The following NFKBIE variants were observed in gnomAD, a reference collection of about 807,000 sequenced individuals.
The protein encoded by NFKBIE is NF-kappa-B inhibitor epsilon.
A neutral mutation model predicts 31.6 loss-of-function variants in NFKBIE; 11 were observed. The ratio of observed to expected loss-of-function variants is 0.35; its 90% confidence interval spans 0.22 to 0.58. The LOEUF is 0.58. Among genes scored for constraint, NFKBIE ranks in the 20% least tolerant of loss-of-function variants. The probability of loss-of-function intolerance (pLI) is 0.83; values close to 1 mark genes in which losing one functional copy is unlikely to be tolerated. For missense variants in NFKBIE, 354 were observed against 465.7 expected, an observed-to-expected ratio of 0.76 and a Z score of 2.21; for synonymous variants, 208 against 210.1, an observed-to-expected ratio of 0.99 and a Z score of 0.09.
At position 44,261,074 on chromosome 6, in the gene NFKBIE, C is replaced by T. The variant is rs567283870; in HGVS notation, c.692-535G>A. Among the ~76,000 whole-genome samples, 2 of 152,280 alleles carry T rather than the reference C, an allele frequency of 1.3e-5. No homozygotes were observed. Among genetic ancestry groups the T allele is most frequent in the African/African-American group, 2.4e-5 (1 of 41,560 alleles). On this transcript the variant is annotated intron_variant, in intron 3 of 5. Coordinates refer to ENST00000619360, the MANE Select transcript of NFKBIE (RefSeq NM_004556.3). This position sits in a 1 kb window ranked among gnomAD's most constrained non-coding sequence, Gnocchi z 4.3. The stretch of plus-strand genomic sequence containing the variant: ...AGAGATTTCGATTCAAATTTACATT[C>T]TTCACCTTCCTCAGGGCGCTATTCA...
At chr6:44,262,092 G>C (rs1213139545) in intron 2 of NFKBIE, among the ~76,000 whole-genome samples, 2 of 152,130 alleles carry the variant, frequency 1.3e-5, no homozygotes, top group East Asian at 3.8e-4. Flanking sequence ...TTTCTTGTAA[G>C]TCACCTTAGG....
rs192573537 is a variant in NFKBIE, at chr6:44,264,156, T to C, written c.365+826A>G. On this transcript the variant is annotated intron_variant, in intron 1 of 5. Coordinates refer to ENST00000619360, the MANE Select transcript of NFKBIE (RefSeq NM_004556.3). ...CAGGGATTCCAGCCCTCCCCAACTC[T>C]ATTTCTCATCCCCAGTTCCCAACCT... Among the ~76,000 whole-genome samples the C allele has an allele frequency of 3.3e-5, 5 of 152,304 alleles. No individual in the cohort carries two copies. The East Asian group carries it at 9.6e-4, about 29-fold the overall frequency.
Position 44,259,304 on chromosome 6 carries a change from G to A in NFKBIE, c.1021-20C>T. On this transcript the variant is annotated intron_variant, in intron 5 of 5. Coordinates refer to ENST00000619360, the MANE Select transcript of NFKBIE (RefSeq NM_004556.3). ...AAGGGACTGAGAAGGAGAATGGAGAGAAGCAAGATCAGAGGACATGGGAAA... is the reference window on the plus strand; with the variant it reads ...AAGGGACTGAGAAGGAGAATGGAGAAAAGCAAGATCAGAGGACATGGGAAA... The A allele has an allele frequency of 1.9e-6, 3 of 1,593,326 alleles. No individual in the cohort carries two copies. The highest frequency in any genetic ancestry group is 2.6e-6 in the Non-Finnish European group (3 of 1,161,540).
At chr6:44,264,167 C>T (rs1159516102) in intron 1 of NFKBIE, among the ~76,000 whole-genome samples, 2 of 152,198 alleles carry the variant, frequency 1.3e-5, no homozygotes, top group Non-Finnish European at 2.9e-5. Context: ...ATTTCTCATC[C>T]CCAGTTCCCA....
chr6:44,262,622 G>A lies in NFKBIE; in HGVS notation c.406C>T (p.Leu136=), dbSNP rs1487705790. 6.2e-7 allele frequency: 1 copy of A among 1,614,190 alleles called. No homozygotes were observed. The highest frequency in any genetic ancestry group is 1.1e-5 in the South Asian group (1 of 91,090). Residue 136 remains leucine, a synonymous_variant, in exon 2 of 6, where the codon CTG becomes TTG. Transcript: ENST00000619360. The stretch of plus-strand genomic sequence containing the variant: ...GGCAGCAAAGCCAGGCAACAGAGCA[G>A]CACCGCTGGGGCCTCATGAATCACT... ...LAVIHEAPAV[L]LCCLALLPQE... is the part of the protein sequence containing the mutation.
rs763925886 is a variant in NFKBIE at position 44,261,701 on chromosome 6, A to T, written c.616T>A (p.Cys206Ser). 6.2e-7 allele frequency: 1 copy of T among 1,614,190 alleles called. No homozygotes were observed. Among genetic ancestry groups the T allele is most frequent in the Non-Finnish European group, 8.5e-7 (1 of 1,180,018 alleles). Residue 206 changes from cysteine (C) to serine (S), a missense_variant, in exon 3 of 6, where the codon TGC (cysteine) becomes AGC (serine). Coordinates refer to ENST00000619360, the MANE Select transcript of NFKBIE (RefSeq NM_004556.3). This position sits in a 1 kb window ranked among gnomAD's most constrained non-coding sequence, Gnocchi z 4.3. ...GGCTCTGGCCGCCCTTCCAGCAGGC[A>T]GCGGGCACAGGCCAAGTGCTGGCGC... is the stretch of plus-strand genomic sequence containing the variant. ...CQRQHLACAR[C>S]LLEGRPEPGR...
In NFKBIE at chr6:44,263,747, C is replaced by G. The variant is rs1782011643; in HGVS notation, c.366-1085G>C. Among the ~76,000 whole-genome samples the G allele has an allele frequency of 6.6e-6, 1 of 152,160 alleles. No homozygotes were observed. Among genetic ancestry groups the G allele is most frequent in the Non-Finnish European group, 1.5e-5 (1 of 68,018 alleles). On this transcript the variant is annotated intron_variant, in intron 1 of 5. Coordinates refer to ENST00000619360, the MANE Select transcript of NFKBIE (RefSeq NM_004556.3). The surrounding 1 kb of genome is among the most constrained non-coding windows in gnomAD (Gnocchi z 5.0). ...GAGGGAGGAAAGTGCCCCCTGCTCT[C>G]TGGGGACTCGCTGGGGAGCCCGGAC...
chr6:44,265,525 G>T lies in NFKBIE; in HGVS notation c.-179C>A. On this transcript the variant is annotated 5_prime_UTR_variant, in exon 1 of 6. Coordinates refer to ENST00000619360, the MANE Select transcript of NFKBIE (RefSeq NM_004556.3). ...GCGCAGCGAGGACAAGGTTCGGAGC[G>T]CTGGCCAGGTCCACCCAGCGGTTAC... The T allele has an allele frequency of 6.4e-7, 1 of 1,564,992 alleles. No homozygotes were observed. Among genetic ancestry groups the T allele is most frequent in the African/African-American group, 1.3e-5 (1 of 74,074 alleles).
chr6:44,264,841 G>C, intron 1 of NFKBIE, 141 bp downstream of exon 1: 1 of 950,200 alleles, frequency 1.1e-6, no homozygotes, highest in Non-Finnish European at 1.6e-6. Context: ...CTCAAAAGTG[G>C]GCTGAGAGTT....
rs912438726 is a variant in NFKBIE, at chr6:44,261,945, T to C, written c.469-97A>G. ...AGAATCACCAGCTGCCAGCATCTTCTTTGAAAGCAGCTTATAAAGGCCATA... is the reference window on the plus strand; with the variant it reads ...AGAATCACCAGCTGCCAGCATCTTCCTTGAAAGCAGCTTATAAAGGCCATA... On this transcript the variant is annotated intron_variant, in intron 2 of 5. Coordinates refer to ENST00000619360, the MANE Select transcript of NFKBIE (RefSeq NM_004556.3). The surrounding 1 kb of genome is among the most constrained non-coding windows in gnomAD (Gnocchi z 4.3). 19 of 1,151,404 alleles carry C rather than the reference T, an allele frequency of 1.7e-5. No individual in the cohort carries two copies. In the East Asian group the frequency reaches 4.1e-4, roughly 25 times the overall value. 71.3% of individuals were successfully genotyped at this position (1,151,404 alleles called of 1,614,324 possible).
In NFKBIE at chr6:44,261,105, C is replaced by T. The variant is rs1476567904; in HGVS notation, c.691+521G>A. 1.3e-5 allele frequency among the ~76,000 whole-genome samples: 2 copies of T among 152,216 alleles called. No homozygotes were observed. Among genetic ancestry groups the T allele is most frequent in the Non-Finnish European group, 2.9e-5 (2 of 68,038 alleles). On this transcript the variant is annotated intron_variant, in intron 3 of 5. Transcript: ENST00000619360. The surrounding 1 kb of genome is among the most constrained non-coding windows in gnomAD (Gnocchi z 4.3). The stretch of plus-strand genomic sequence containing the variant: ...CTTCCTCAGGGCGCTATTCAGATGT[C>T]ACTGGCTCCATGAGGCCTTCCCGGA...
intron 5 of NFKBIE, 105 bp downstream of exon 5, chr6:44,259,938 G>C (rs1781835130): frequency 1.3e-6 from 2 of 1,488,716 alleles, no homozygotes; most frequent in Admixed American, 4.2e-5. Context: ...CAGAGTCCTG[G>C]TTATACCCCA....
In NFKBIE at chr6:44,259,185, G is replaced by C; in HGVS notation, c.*34C>G. On this transcript the variant is annotated 3_prime_UTR_variant, in exon 6 of 6. Coordinates refer to ENST00000619360, the MANE Select transcript of NFKBIE (RefSeq NM_004556.3). Reference sequence around the variant, plus strand: ...ATGGCTCCGGCTTCCAGATGGAGAGGTGGAGCCCTGAGGATCCCAGACCCT... The same window carrying C: ...ATGGCTCCGGCTTCCAGATGGAGAGCTGGAGCCCTGAGGATCCCAGACCCT... 1 of 1,610,908 alleles carries C rather than the reference G, an allele frequency of 6.2e-7. No homozygotes were observed. Among genetic ancestry groups the C allele is most frequent in the Non-Finnish European group, 8.5e-7 (1 of 1,177,528 alleles).
chr6:44,263,096 G>A lies in NFKBIE; in HGVS notation c.366-434C>T, dbSNP rs1015370281. ...AAGGAGACAGTTGCAGGGTCACCCC[G>A]TACCCCCAAGCAACTCAGTGTTACA... On this transcript the variant is annotated intron_variant, in intron 1 of 5. Transcript: ENST00000619360. This position sits in a 1 kb window ranked among gnomAD's most constrained non-coding sequence, Gnocchi z 5.0. 1.3e-5 allele frequency among the ~76,000 whole-genome samples: 2 copies of A among 152,162 alleles called. No individual in the cohort carries two copies. Among genetic ancestry groups the A allele is most frequent in the South Asian group, 2.1e-4 (1 of 4,834 alleles).
Position 44,260,826 on chromosome 6 carries a change from A to AACACACACAC in NFKBIE, c.692-297_692-288dup, listed in dbSNP as rs369958691. ...CACCCTCCTCCTATACACAAACTACAACACACACACACACACACACACACA... is the reference window on the plus strand; with the variant it reads ...CACCCTCCTCCTATACACAAACTACAACACACACACACACACACACACACACACACACACA... On this transcript the variant is annotated intron_variant, in intron 3 of 5. Transcript: ENST00000619360. The surrounding 1 kb of genome is among the most constrained non-coding windows in gnomAD (Gnocchi z 5.5). 2.3e-3 allele frequency among the ~76,000 whole-genome samples: 278 copies of AACACACACAC among 119,120 alleles called. No homozygotes were observed. Among genetic ancestry groups the AACACACACAC allele is most frequent in the Middle Eastern group, 4.7e-3 (1 of 212 alleles). 78.1% of individuals were successfully genotyped at this position (119,120 alleles called of 152,430 possible).
At chr6:44,259,869 A>G (rs1271773084) in intron 5 of NFKBIE, among the ~76,000 whole-genome samples, 174 bp downstream of exon 5, 5 of 152,032 alleles carry the variant, frequency 3.3e-5, no homozygotes, top group Non-Finnish European at 5.9e-5. Context: ...TAAGAGTCCA[A>G]ATTTGGCTCC....
chr6:44,261,987 A>G lies in NFKBIE; in HGVS notation c.469-139T>C. ...AAGGCCATAACCTGTTCTTCCAAGG[A>G]AATACTACCGAGCCCTTCCCCTGTC... On this transcript the variant is annotated intron_variant, in intron 2 of 5. Coordinates refer to ENST00000619360, the MANE Select transcript of NFKBIE (RefSeq NM_004556.3). This position sits in a 1 kb window ranked among gnomAD's most constrained non-coding sequence, Gnocchi z 4.3. 1.3e-6 allele frequency: 1 copy of G among 785,118 alleles called. No individual in the cohort carries two copies. Among genetic ancestry groups the G allele is most frequent in the African/African-American group, 1.7e-5 (1 of 57,904 alleles). 48.6% of individuals were successfully genotyped at this position (785,118 alleles called of 1,614,324 possible). A position where few individuals can be genotyped will look rare whatever the true frequency, so the allele number is the denominator to read the frequency against.
At position 44,265,396 on chromosome 6, in the gene NFKBIE, A is replaced by C. The variant is rs1429863859; in HGVS notation, c.-50T>G. 2 of 1,552,480 alleles carry C rather than the reference A, an allele frequency of 1.3e-6. No individual in the cohort carries two copies. Among genetic ancestry groups the C allele is most frequent in the Middle Eastern group, 2.2e-4 (1 of 4,584 alleles). Reference sequence around the variant, plus strand: ...CCCGGTCTGAGCAGGATCCGGCTCCAGGCTCCGCCGCGCCGCCTTTCCGGG... The same window carrying C: ...CCCGGTCTGAGCAGGATCCGGCTCCCGGCTCCGCCGCGCCGCCTTTCCGGG... On this transcript the variant is annotated 5_prime_UTR_variant, in exon 1 of 6. Transcript: ENST00000619360.
At position 44,260,866 on chromosome 6, in the gene NFKBIE, C is replaced by G. The variant is rs9357437; in HGVS notation, c.692-327G>C. ...ACACACACACACACATACAGACACA[C>G]ACACACACACACACACACACACACA... On this transcript the variant is annotated intron_variant, in intron 3 of 5. Coordinates refer to ENST00000619360, the MANE Select transcript of NFKBIE (RefSeq NM_004556.3). This position sits in a 1 kb window ranked among gnomAD's most constrained non-coding sequence, Gnocchi z 5.5. 3.0e-3 allele frequency among the ~76,000 whole-genome samples: 425 copies of G among 142,910 alleles called. 1 individual carries two copies. The highest frequency in any genetic ancestry group is 0.017 in the East Asian group (81 of 4,834). The allele number at this position is 142,910 out of a possible 152,430, so 93.8% of individuals were successfully genotyped here. A position where few individuals can be genotyped will look rare whatever the true frequency, so the allele number is the denominator to read the frequency against.
Sources: gnomAD v4.1 joint callset for allele counts (sites outside exome capture counted in the v4.1 genomes callset) on GRCh38, gnomAD v4.1.1 for gene constraint, Gnocchi (gnomAD v3.1) non-coding constraint, MANE v1.5 for transcripts, NCBI Gene and HGNC (gene_info 2026-07-23, HGNC 2026-07-21) for gene names.